Variants in HTR2C observed in about 807,000 individuals in gnomAD.
The protein encoded by HTR2C is 5-hydroxytryptamine receptor 2C, also known as 5-hydroxytryptamine (serotonin) receptor 2C, G protein-coupled.
A neutral mutation model predicts 21.0 loss-of-function variants in HTR2C; 5 were observed. That is an observed-to-expected ratio of 0.24 (90% CI 0.12 to 0.50). HTR2C has a LOEUF of 0.50. Among genes scored for constraint, HTR2C ranks in the 20% least tolerant of loss-of-function variants. HTR2C has a pLI of 0.98. For missense variants in HTR2C, 271 were observed against 371.2 expected, an observed-to-expected ratio of 0.73 and a Z score of 2.22; for synonymous variants, 150 against 145.3, an observed-to-expected ratio of 1.03 and a Z score of -0.23.
intron 4 of HTR2C, among the ~76,000 whole-genome samples, chrX:114,785,409 C>T (rs964873775): frequency 5.4e-5 from 6 of 111,306 alleles, no homozygotes; most frequent in Admixed American, 3.8e-4. Flanking sequence ...TTGAAGGAAG[C>T]GACTTATGAA....
rs782645015 is a variant in HTR2C at position 114,604,739 on chromosome X, G to A, written c.-146-9076G>A. Among the ~76,000 whole-genome samples, 6 of 111,142 alleles carry A rather than the reference G, an allele frequency of 5.4e-5. No homozygotes were observed. The East Asian group carries it at 1.7e-3, about 32-fold the overall frequency. Reference sequence around the variant, plus strand: ...CTGGGCTGCGGGCATTCCTTGGCCTGGTGGTCAGATTTCTGGCACGTGTAG... The same window carrying A: ...CTGGGCTGCGGGCATTCCTTGGCCTAGTGGTCAGATTTCTGGCACGTGTAG... On this transcript the variant is annotated intron_variant, in intron 1 of 5. Transcript: ENST00000276198.
chrX:114,680,832 T>C (rs1435091709), intron 2 of HTR2C, among the ~76,000 whole-genome samples: 1 of 111,611 alleles, frequency 9.0e-6, no homozygotes, highest in East Asian at 2.8e-4. Context: ...ACAAAAAGGC[T>C]TGTGTAGAGA....
intron 2 of HTR2C, among the ~76,000 whole-genome samples, chrX:114,655,565 A>AT (rs1188472715): frequency 7.2e-5 from 8 of 111,407 alleles, no homozygotes; most frequent in Non-Finnish European, 1.3e-4. Flanking sequence ...ATTTAAGTGT[A>AT]TTTTTTTACT....
intron 5 of HTR2C, among the ~76,000 whole-genome samples, chrX:114,905,167 G>A (rs1488000897): frequency 1.8e-5 from 2 of 110,758 alleles, no homozygotes; most frequent in Non-Finnish European, 3.8e-5. Flanking sequence ...TAGGTTCAGA[G>A]CTATAGGTAG....
At chrX:114,739,204 AAT>A (rs1181738122) in intron 4 of HTR2C, among the ~76,000 whole-genome samples, 2 of 111,258 alleles carry the variant, frequency 1.8e-5, no homozygotes, top group Non-Finnish European at 3.8e-5. Flanking sequence ...ATAGGAAAAC[AAT>A]AAAAGCACTT....
intron 4 of HTR2C, among the ~76,000 whole-genome samples, chrX:114,809,508 C>T (rs782404289): frequency 4.6e-5 from 5 of 108,989 alleles, no homozygotes; most frequent in East Asian, 5.9e-4. Context: ...CTCAGCCTCC[C>T]GAGTAGCCGG....
At chrX:114,641,036 CTTT>C (rs1930089280) in intron 2 of HTR2C, among the ~76,000 whole-genome samples, 65 of 7,272 alleles carry the variant, frequency 8.9e-3, no homozygotes, top group Non-Finnish European at 0.018. Flanking sequence ...TTCTTCCTTT[CTTT>C]CTTTCTTTCT....
intron 4 of HTR2C, among the ~76,000 whole-genome samples, chrX:114,821,992 A>G (rs782559594): frequency 2.1e-4 from 22 of 104,680 alleles, no homozygotes; most frequent in African/African-American, 6.3e-4. Flanking sequence ...GCTTACAGGC[A>G]CGCAACATCA....
Position 114,843,614 on chromosome X carries a change from T to C in HTR2C, c.350-4389T>C, listed in dbSNP as rs367563648. The stretch of plus-strand genomic sequence containing the variant: ...TTCCAACTTTGAATAAAGACATGAC[T>C]ATAAATCCAGGAAGCTCAATGAACT... On this transcript the variant is annotated intron_variant, in intron 4 of 5. Coordinates refer to ENST00000276198, the MANE Select transcript of HTR2C (RefSeq NM_000868.4). Among the ~76,000 whole-genome samples, 45 of 111,426 alleles carry C rather than the reference T, an allele frequency of 4.0e-4. 5 individuals carry two copies. The East Asian group carries it at 6.5e-3, about 16-fold the overall frequency.
intron 4 of HTR2C, among the ~76,000 whole-genome samples, chrX:114,797,836 G>A (rs1398451624): frequency 8.9e-6 from 1 of 111,910 alleles, no homozygotes; most frequent in African/African-American, 3.2e-5. Context: ...CCTGGGATTT[G>A]AGGACTGAAC....
Position 114,838,546 on chromosome X carries a change from C to CT in HTR2C, c.350-9450dup, listed in dbSNP as rs782402564. Among the ~76,000 whole-genome samples the CT allele has an allele frequency of 2.4e-4, 27 of 111,996 alleles. No individual in the cohort carries two copies. The East Asian group carries it at 6.4e-3, about 27-fold the overall frequency. ...TTAATGTCTTGTATTCAGTCTTTGC[C>CT]TTTTTTTATTATTGGTGGGGATACC... is the stretch of plus-strand genomic sequence containing the variant. On this transcript the variant is annotated intron_variant, in intron 4 of 5. Transcript: ENST00000276198.
At chrX:114,888,279 A>C (rs1556482085) in intron 5 of HTR2C, among the ~76,000 whole-genome samples, 1 of 111,829 alleles carries the variant, frequency 8.9e-6, no homozygotes, top group Admixed American at 9.5e-5. Flanking sequence ...GCTAGGCCGT[A>C]GCCATAGGTC....
intron 2 of HTR2C, chrX:114,630,888 C>T (rs782576919): frequency 8.1e-6 from 3 of 369,439 alleles, no homozygotes; most frequent in African/African-American, 7.7e-5. Flanking sequence ...GGGAGAGTCA[C>T]ACCGTGGGCT....
intron 4 of HTR2C, among the ~76,000 whole-genome samples, chrX:114,764,386 G>A (rs1288428649): frequency 1.0e-5 from 1 of 96,639 alleles, no homozygotes; most frequent in Admixed American, 1.1e-4. Flanking sequence ...GGCAACAAGA[G>A]TGAAACTCCA....
chrX:114,875,123 T>C (rs1248142931), intron 5 of HTR2C, among the ~76,000 whole-genome samples: 1 of 111,226 alleles, frequency 9.0e-6, no homozygotes, highest in Non-Finnish European at 1.9e-5. Context: ...TCTTGCAGTG[T>C]CCTCACATGG....
At chrX:114,725,133 C>G (rs1325487658) in intron 2 of HTR2C, among the ~76,000 whole-genome samples, 12 of 111,228 alleles carry the variant, frequency 1.1e-4, no homozygotes, top group African/African-American at 3.6e-4. Context: ...TTCCATTCTC[C>G]CTGTCACTTT....
chrX:114,799,995 G>A (rs1306704617), intron 4 of HTR2C, among the ~76,000 whole-genome samples: 1 of 110,920 alleles, frequency 9.0e-6, no homozygotes, highest in Non-Finnish European at 1.9e-5. Context: ...TATGTGTGAG[G>A]CACTGTTCTA....
chrX:114,693,787 C>T (rs1283535690), intron 2 of HTR2C, among the ~76,000 whole-genome samples: 3 of 111,314 alleles, frequency 2.7e-5, no homozygotes, highest in Non-Finnish European at 5.7e-5. Context: ...TACAGTCACC[C>T]GACACAAATG....
At chrX:114,804,145 G>GA (rs1224362304) in intron 4 of HTR2C, among the ~76,000 whole-genome samples, 1 of 111,615 alleles carries the variant, frequency 9.0e-6, no homozygotes, top group Admixed American at 9.6e-5. Context: ...AATAACTCAT[G>GA]AACGAGGGGA....
Sources: gnomAD v4.1 joint callset for allele counts (sites outside exome capture counted in the v4.1 genomes callset) on GRCh38, gnomAD v4.1.1 for gene constraint, MANE v1.5 for transcripts, NCBI Gene and HGNC (gene_info 2026-07-23, HGNC 2026-07-21) for gene names.